Variants in TLN2 observed in about 807,000 individuals in gnomAD.
TLN2 encodes the protein talin 2.
Under a neutral mutation model 294.7 loss-of-function variants are expected in TLN2, and 118 were observed. The observed-to-expected ratio is 0.40, with a 90% CI of 0.34 to 0.47. The LOEUF is 0.47. Ranked by LOEUF, TLN2 falls within the 20% of genes least tolerant of loss-of-function variation. The probability of loss-of-function intolerance (pLI) is 0.84; values close to 1 mark genes in which losing one functional copy is unlikely to be tolerated. For synonymous variants in TLN2, 1,431 were observed against 1,304.5 expected (o/e 1.10, Z -2.09); for missense variants, 3,083 against 3,282.2 (o/e 0.94, Z 1.48).
chr15:62,764,506 AAAG>A (rs1434266239), intron 40 of TLN2, among the ~76,000 whole-genome samples: 2 of 152,206 alleles, frequency 1.3e-5, no homozygotes, highest in Non-Finnish European at 1.5e-5. Context: ...ATTTCCAAAA[AAAG>A]AAGGATTAAG....
intron 1 of TLN2, among the ~76,000 whole-genome samples, chr15:62,391,469 C>T (rs1018925994): frequency 6.6e-6 from 1 of 152,326 alleles, no homozygotes; most frequent in Non-Finnish European, 1.5e-5. Context: ...GCTGGAGGGA[C>T]CTGGAGACGA....
At chr15:62,432,825 A>G (rs537113532) in intron 1 of TLN2, among the ~76,000 whole-genome samples, 8 of 152,210 alleles carry the variant, frequency 5.3e-5, no homozygotes, top group Admixed American at 3.3e-4. Flanking sequence ...TAGAGTTTCT[A>G]CGCCTCTTGT....
At chr15:62,601,674 T>C (rs2047019279) in intron 2 of TLN2, among the ~76,000 whole-genome samples, 1 of 152,222 alleles carries the variant, frequency 6.6e-6, no homozygotes, top group Non-Finnish European at 1.5e-5. Context: ...CTTGTTTATA[T>C]ACTAGAATAC....
At chr15:62,718,888 A>G (rs2059951718) in intron 24 of TLN2, among the ~76,000 whole-genome samples, 2 of 152,190 alleles carry the variant, frequency 1.3e-5, no homozygotes, top group East Asian at 1.9e-4. Flanking sequence ...AAGGATTGAG[A>G]TGGAGAGGGG....
At chr15:62,455,044 G>A (rs1280146265) in intron 1 of TLN2, among the ~76,000 whole-genome samples, 3 of 152,152 alleles carry the variant, frequency 2.0e-5, no homozygotes, top group African/African-American at 7.2e-5. Context: ...GGGCAGTTAT[G>A]TCTGTTACTA....
chr15:62,696,888 A>G (rs11856742), intron 14 of TLN2, among the ~76,000 whole-genome samples: 52,904 of 151,826 alleles, frequency 0.35, 9,808 homozygotes, highest in East Asian at 0.69. Context: ...GAGGGGAGCT[A>G]AGATGTGGGA....
At chr15:62,583,760 C>T (rs908694952) in intron 1 of TLN2, among the ~76,000 whole-genome samples, 2 of 152,068 alleles carry the variant, frequency 1.3e-5, no homozygotes. Context: ...GGCTTTGTAC[C>T]AAGTAGAGTT....
intron 9 of TLN2, among the ~76,000 whole-genome samples, chr15:62,671,627 C>T (rs60212458): frequency 4.7e-4 from 72 of 152,320 alleles, no homozygotes; most frequent in African/African-American, 1.6e-3. Flanking sequence ...CAATTCTATT[C>T]TATTGACCTG....
At chr15:62,806,818 T>G (rs1203424472) in intron 51 of TLN2, among the ~76,000 whole-genome samples, 1 of 152,172 alleles carries the variant, frequency 6.6e-6, no homozygotes, top group Non-Finnish European at 1.5e-5. Context: ...GAGGGCAGAA[T>G]TGAAGACCAG....
intron 16 of TLN2, among the ~76,000 whole-genome samples, chr15:62,700,503 G>C (rs972755392): frequency 5.3e-5 from 8 of 152,182 alleles, no homozygotes; most frequent in African/African-American, 1.9e-4. Context: ...ACCTGCCTAT[G>C]ATTTGCCCGA....
intron 43 of TLN2, among the ~76,000 whole-genome samples, chr15:62,778,581 C>G (rs553413825): frequency 6.6e-6 from 1 of 152,346 alleles, no homozygotes; most frequent in East Asian, 1.9e-4. Context: ...CTTTGATAGC[C>G]CTGTGCCTTA....
chr15:62,512,463 G>T (rs1360900455), intron 1 of TLN2, among the ~76,000 whole-genome samples: 3 of 152,128 alleles, frequency 2.0e-5, no homozygotes, highest in African/African-American at 7.2e-5. Context: ...AAGTCCCACA[G>T]AAACTTAAAT....
rs77725628 is a variant in TLN2, at chr15:62,415,787, A to T, written c.-238+25102A>T. Among the ~76,000 whole-genome samples the T allele has an allele frequency of 4.0e-4, 61 of 152,152 alleles. No homozygotes were observed. In the East Asian group the frequency reaches 9.9e-3, roughly 25 times the overall value. ...TCTTTGCAGTGTGTGAGGCTGAGAG[A>T]TTGTCACTAAGCTATGTCCAGAGGT... On this transcript the variant is annotated intron_variant, in intron 1 of 58. Coordinates refer to ENST00000636159, the MANE Select transcript of TLN2 (RefSeq NM_015059.3).
intron 1 of TLN2, among the ~76,000 whole-genome samples, chr15:62,562,530 C>CATTCATTTATTTATTTATTTATTT (rs143901199): frequency 6.7e-6 from 1 of 150,116 alleles, no homozygotes; most frequent in African/African-American, 2.5e-5. Flanking sequence ...ATCTCTCCTC[C>CATTCATTTATTTATTTATTTATTT]ATTTATTTAT....
intron 17 of TLN2, 151 bp downstream of exon 17, chr15:62,701,365 T>C (rs1476033352): frequency 1.5e-6 from 1 of 670,980 alleles, no homozygotes; most frequent in African/African-American, 1.8e-5. Flanking sequence ...GCTGTAGGCA[T>C]TTTCTCCCAG....
chr15:62,809,468 C>G (rs1196345624), intron 51 of TLN2, among the ~76,000 whole-genome samples: 1 of 152,042 alleles, frequency 6.6e-6, no homozygotes, highest in Non-Finnish European at 1.5e-5. Context: ...ATGGTCAGGC[C>G]CAGGGGTGAG....
intron 1 of TLN2, among the ~76,000 whole-genome samples, chr15:62,413,833 T>C (rs2033919047): frequency 1.3e-5 from 2 of 152,208 alleles, no homozygotes; most frequent in Admixed American, 6.5e-5. Context: ...ACATTTATGT[T>C]GCACAGTTCA....
intron 1 of TLN2, among the ~76,000 whole-genome samples, chr15:62,490,966 G>T (rs546409581): frequency 6.6e-6 from 1 of 152,232 alleles, no homozygotes; most frequent in Non-Finnish European, 1.5e-5. Flanking sequence ...CTGATGACAT[G>T]GGCCCTGGGT....
At chr15:62,627,099 C>T (rs1160273725) in intron 3 of TLN2, among the ~76,000 whole-genome samples, 2 of 152,160 alleles carry the variant, frequency 1.3e-5, no homozygotes, top group Non-Finnish European at 2.9e-5. Context: ...TTTTTGCTTG[C>T]TTGTGCTGGC....
Sources: gnomAD v4.1 joint callset for allele counts (sites outside exome capture counted in the v4.1 genomes callset) on GRCh38, gnomAD v4.1.1 for gene constraint, MANE v1.5 for transcripts, NCBI Gene and HGNC (gene_info 2026-07-23, HGNC 2026-07-21) for gene names.